The following PDE4D variants were observed in gnomAD, a reference collection of about 807,000 sequenced individuals.
PDE4D encodes 3',5'-cyclic-AMP phosphodiesterase 4D.
In PDE4D, 24 loss-of-function variants were observed where a neutral mutation model predicts 87.4. The observed-to-expected ratio is 0.27, with a 90% confidence interval of 0.20 to 0.39. The LOEUF is 0.39. Ranked by LOEUF, PDE4D falls within the 10% of genes least tolerant of loss-of-function variation. PDE4D has a pLI of 1.00. For synonymous variants in PDE4D, 384 were observed against 383.2 expected, an observed-to-expected ratio of 1.00 and a Z score of -0.02; for missense variants, 714 against 1,041.0, an observed-to-expected ratio of 0.69 and a Z score of 4.32.
At chr5:60,337,351 CTATATATA>C (rs748923956) in intron 1 of PDE4D, among the ~76,000 whole-genome samples, 23 of 62,260 alleles carry the variant, frequency 3.7e-4, no homozygotes, top group East Asian at 1.1e-3. Context: ...AACAAACAAA[CTATATATA>C]TATATATATA....
At chr5:59,511,838 A>G (rs1810336358) in intron 1 of PDE4D, among the ~76,000 whole-genome samples, 1 of 152,260 alleles carries the variant, frequency 6.6e-6, no homozygotes, top group African/African-American at 2.4e-5. Context: ...AGCCCGTTGG[A>G]CAATATGATT....
chr5:59,653,208 A>AATTTTT (rs1554053294), intron 1 of PDE4D, among the ~76,000 whole-genome samples: 8 of 125,738 alleles, frequency 6.4e-5, no homozygotes, highest in East Asian at 4.7e-4. Flanking sequence ...AAAAAAAAAA[A>AATTTTT]TTTTTTTTTT....
At chr5:60,404,878 G>A (rs1279153054) in intron 1 of PDE4D, among the ~76,000 whole-genome samples, 4 of 152,206 alleles carry the variant, frequency 2.6e-5, no homozygotes, top group African/African-American at 4.8e-5. Flanking sequence ...CCTTCAGGTA[G>A]AACCCAGATC....
At chr5:59,115,462 A>G (rs1358842247) in intron 5 of PDE4D, among the ~76,000 whole-genome samples, 1 of 152,162 alleles carries the variant, frequency 6.6e-6, no homozygotes, top group Non-Finnish European at 1.5e-5. Context: ...TCTCCTACCC[A>G]GCCTTTCTTA....
In PDE4D at chr5:59,592,232, C is replaced by T. The variant is rs78486628; in HGVS notation, c.455+300936G>A. On this transcript the variant is annotated intron_variant, in intron 1 of 14. Transcript: ENST00000340635. The stretch of plus-strand genomic sequence containing the variant: ...GTACTCAGTCAATGTTAACTAATAA[C>T]GATGTTGATAGTCATGACTTTCCAC... The T allele has an allele frequency of 1.4e-3, 1,063 of 733,944 alleles. 14 individuals are homozygous for T. In the African/African-American group the frequency reaches 0.02, roughly 13 times the overall value. 45.5% of individuals were successfully genotyped at this position (733,944 alleles called of 1,614,324 possible). A position where few individuals can be genotyped will look rare whatever the true frequency, so the allele number is the denominator to read the frequency against.
intron 2 of PDE4D, among the ~76,000 whole-genome samples, chr5:60,067,944 A>G (rs1772288639): frequency 6.6e-6 from 1 of 152,144 alleles, no homozygotes; most frequent in Admixed American, 6.5e-5. Context: ...CTATTTATAT[A>G]CCATATTTTC....
chr5:59,163,433 G>A (rs1289956512), intron 5 of PDE4D, among the ~76,000 whole-genome samples: 3 of 151,896 alleles, frequency 2.0e-5, no homozygotes, highest in Non-Finnish European at 4.4e-5. Context: ...CACCACGCCT[G>A]GCTAATTTTG....
At chr5:59,180,343 A>G in intron 5 of PDE4D, 1 of 665,036 alleles carries the variant, frequency 1.5e-6, no homozygotes, top group Admixed American at 2.0e-5. Context: ...AGCAATGCTC[A>G]AATGAGTATA....
intron 1 of PDE4D, among the ~76,000 whole-genome samples, chr5:60,452,042 G>T (rs897552211): frequency 6.6e-6 from 1 of 152,076 alleles, no homozygotes; most frequent in Non-Finnish European, 1.5e-5. Flanking sequence ...AGTTTTAAGG[G>T]ATGGTTCAAT....
chr5:59,910,835 A>G (rs941140176), intron 3 of PDE4D, among the ~76,000 whole-genome samples: 1 of 152,238 alleles, frequency 6.6e-6, no homozygotes, highest in African/African-American at 2.4e-5. Context: ...AGAATTTACA[A>G]TGCAGTAGAA....
chr5:60,493,492 C>T (rs528232644), intron 1 of PDE4D, among the ~76,000 whole-genome samples: 3 of 152,266 alleles, frequency 2.0e-5, no homozygotes, highest in South Asian at 2.1e-4. Context: ...GAGACTTAGA[C>T]GTGCTCACTA....
intron 1 of PDE4D, among the ~76,000 whole-genome samples, chr5:59,298,193 G>C (rs978588052): frequency 6.9e-6 from 1 of 145,162 alleles, no homozygotes; most frequent in Non-Finnish European, 1.5e-5. Context: ...CTCACTCACT[G>C]CAGCCTCTGT....
chr5:59,108,956 T>C lies in PDE4D; in HGVS notation c.809-69985A>G, dbSNP rs1361886718. Among the ~76,000 whole-genome samples, 7 of 10,420 alleles carry C rather than the reference T, an allele frequency of 6.7e-4. No individual in the cohort carries two copies. In the Admixed American group the frequency reaches 8.5e-3, roughly 13 times the overall value. The allele number at this position is 10,420 out of a possible 152,430, so 6.8% of individuals were successfully genotyped here. A position where few individuals can be genotyped will look rare whatever the true frequency, so the allele number is the denominator to read the frequency against. ...AAAAAACAAATTCATAGGAACTCAA[T>C]GTGTGTGTGTGTGTGTGTGTGTGTG... On this transcript the variant is annotated intron_variant, in intron 5 of 14. Transcript: ENST00000340635.
Position 60,151,924 on chromosome 5 carries a change from C to T in PDE4D, c.42+33633G>A, listed in dbSNP as rs187087187. Among the ~76,000 whole-genome samples the T allele has an allele frequency of 5.5e-4, 84 of 152,112 alleles. 2 individuals carry two copies. Among genetic ancestry groups the T allele is most frequent in the Admixed American group, 4.8e-3 (73 of 15,274 alleles). On this transcript the variant is annotated intron_variant, in intron 2 of 16. Transcript: ENST00000502484. Reference sequence around the variant, plus strand: ...TATATGTAGGTAAATTCTTTCTATACCTAATGTATTTTAGAGTTTTTGTCA... The same window carrying T: ...TATATGTAGGTAAATTCTTTCTATATCTAATGTATTTTAGAGTTTTTGTCA...
chr5:59,349,865 G>C (rs187151123), intron 1 of PDE4D, among the ~76,000 whole-genome samples: 42 of 152,140 alleles, frequency 2.8e-4, no homozygotes, highest in Admixed American at 1.1e-3. Flanking sequence ...TTATTGCAGA[G>C]TTTGTAATCT....
chr5:60,214,455 G>A (rs1005660642), intron 1 of PDE4D, among the ~76,000 whole-genome samples: 1 of 152,108 alleles, frequency 6.6e-6, no homozygotes, highest in Non-Finnish European at 1.5e-5. Context: ...CCCCATGTTT[G>A]TTACCTACGA....
At chr5:59,795,833 G>T (rs374008690) in intron 1 of PDE4D, among the ~76,000 whole-genome samples, 3 of 152,118 alleles carry the variant, frequency 2.0e-5, no homozygotes, top group Admixed American at 1.3e-4. Flanking sequence ...AGAGGTAATC[G>T]AGTTAAAATA....
intron 1 of PDE4D, among the ~76,000 whole-genome samples, chr5:59,451,602 C>T (rs1283155386): frequency 6.6e-6 from 1 of 152,168 alleles, no homozygotes; most frequent in African/African-American, 2.4e-5. Context: ...TAATCCTAAC[C>T]CTTTCCTCAA....
At chr5:60,201,811 A>G (rs1042387135) in intron 1 of PDE4D, among the ~76,000 whole-genome samples, 4 of 152,260 alleles carry the variant, frequency 2.6e-5, no homozygotes, top group Non-Finnish European at 5.9e-5. Context: ...TACTGGCACC[A>G]GACTAGAAGA....
Sources: gnomAD v4.1 joint callset for allele counts (sites outside exome capture counted in the v4.1 genomes callset) on GRCh38, gnomAD v4.1.1 for gene constraint, MANE v1.5 for transcripts, NCBI Gene and HGNC (gene_info 2026-07-23, HGNC 2026-07-21) for gene names.